GSG1L: variants seen among roughly 807,000 people sequenced by gnomAD.
The protein encoded by GSG1L is germ cell-specific gene 1-like protein.
In GSG1L, 24 loss-of-function variants were observed where a neutral mutation model predicts 42.1. The observed-to-expected ratio is 0.57, with a 90% CI of 0.41 to 0.80. The LOEUF is 0.80. Ranked by LOEUF, GSG1L falls within the 30% of genes least tolerant of loss-of-function variation. The probability of loss-of-function intolerance (pLI) is 0.00; values close to 1 mark genes in which losing one functional copy is unlikely to be tolerated. For synonymous variants in GSG1L, 215 were observed against 203.5 expected, an observed-to-expected ratio of 1.06 and a Z score of -0.48; for missense variants, 445 against 472.2, an observed-to-expected ratio of 0.94 and a Z score of 0.53.
chr16:27,881,421 T>C (rs1176502247), intron 3 of GSG1L, among the ~76,000 whole-genome samples: 1 of 152,042 alleles, frequency 6.6e-6, no homozygotes, highest in Non-Finnish European at 1.5e-5. Context: ...TTTGTATTTT[T>C]AGTAGAAACT....
intron 6 of GSG1L, among the ~76,000 whole-genome samples, chr16:27,794,990 C>T (rs1331830984): frequency 6.6e-6 from 1 of 152,008 alleles, no homozygotes; most frequent in Non-Finnish European, 1.5e-5. Context: ...TTCCCTGTGC[C>T]CTTCAGCAGC....
chr16:27,864,756 A>G (rs1457667967), intron 3 of GSG1L, among the ~76,000 whole-genome samples: 3 of 152,194 alleles, frequency 2.0e-5, no homozygotes, highest in Non-Finnish European at 4.4e-5. Context: ...AACTCTCAGG[A>G]AAGCTCTGGA....
chr16:27,831,600 T>C (rs1445065081), intron 4 of GSG1L, among the ~76,000 whole-genome samples: 4 of 152,050 alleles, frequency 2.6e-5, no homozygotes, highest in South Asian at 2.1e-4. Context: ...TGGAGTCCAG[T>C]AACTGAGTGT....
chr16:27,933,153 G>C (rs2084675386), intron 2 of GSG1L, among the ~76,000 whole-genome samples: 1 of 152,086 alleles, frequency 6.6e-6, no homozygotes, highest in African/African-American at 2.4e-5. Flanking sequence ...TGCCAGTATG[G>C]AAGGGAGGGG....
chr16:27,921,656 C>T (rs1224375164), intron 2 of GSG1L, among the ~76,000 whole-genome samples: 1 of 152,176 alleles, frequency 6.6e-6, no homozygotes, highest in African/African-American at 2.4e-5. Flanking sequence ...TCAATTGTGC[C>T]CCAGTTCTTA....
At chr16:27,893,029 C>T (rs2084147209) in intron 2 of GSG1L, among the ~76,000 whole-genome samples, 1 of 152,100 alleles carries the variant, frequency 6.6e-6, no homozygotes, top group South Asian at 2.1e-4. Flanking sequence ...CCGGCAGAGC[C>T]TCGCCTTAGT....
At chr16:27,853,792 A>G (rs2083542703) in intron 3 of GSG1L, among the ~76,000 whole-genome samples, 1 of 152,110 alleles carries the variant, frequency 6.6e-6, no homozygotes, top group Non-Finnish European at 1.5e-5. Context: ...TGTGGCAGTG[A>G]CTAGGCTCTG....
intron 2 of GSG1L, among the ~76,000 whole-genome samples, chr16:27,931,310 T>A (rs2084655581): frequency 6.6e-6 from 1 of 152,148 alleles, no homozygotes; most frequent in Non-Finnish European, 1.5e-5. Flanking sequence ...CCTGTGGACA[T>A]CCCGCTCTGA....
chr16:27,791,246 C>CCACGCAGGCTGACTGAGTTCACGG lies in GSG1L; in HGVS notation c.*100_*123dup, dbSNP rs2082747900. 1 of 552,702 alleles carries CCACGCAGGCTGACTGAGTTCACGG rather than the reference C, an allele frequency of 1.8e-6. No individual in the cohort carries two copies. The highest frequency in any genetic ancestry group is 1.9e-5 in the African/African-American group (1 of 51,500). 34.2% of individuals were successfully genotyped at this position (552,702 alleles called of 1,614,324 possible). A position where few individuals can be genotyped will look rare whatever the true frequency, so the allele number is the denominator to read the frequency against. ...ATGGGCAGGACAGGCCTGGCATCTC[C>CCACGCAGGCTGACTGAGTTCACGG]CACGCAGGCTGACTGAGTTCACGGC... is the stretch of plus-strand genomic sequence containing the variant. On this transcript the variant is annotated 3_prime_UTR_variant, in exon 7 of 7. Coordinates refer to ENST00000447459, the MANE Select transcript of GSG1L (RefSeq NM_001109763.2).
chr16:27,794,009 T>TTTTGTTTG (rs71140911), intron 6 of GSG1L, among the ~76,000 whole-genome samples: 4 of 151,828 alleles, frequency 2.6e-5, no homozygotes, highest in Non-Finnish European at 5.9e-5. Flanking sequence ...TAAACTGTTT[T>TTTTGTTTG]TTTGTTTGTT....
At chr16:27,918,870 C>T (rs2084490750) in intron 2 of GSG1L, among the ~76,000 whole-genome samples, 1 of 152,016 alleles carries the variant, frequency 6.6e-6, no homozygotes, top group Admixed American at 6.5e-5. Context: ...CTATGGGAGA[C>T]ACCTCTGGGA....
At chr16:27,810,323 A>G (rs1462640642) in intron 5 of GSG1L, among the ~76,000 whole-genome samples, 1 of 151,962 alleles carries the variant, frequency 6.6e-6, no homozygotes, top group Non-Finnish European at 1.5e-5. Flanking sequence ...TACAAATACT[A>G]GCTGGGTGTG....
At chr16:27,949,022 A>G (rs1183647290) in intron 2 of GSG1L, among the ~76,000 whole-genome samples, 7 of 151,024 alleles carry the variant, frequency 4.6e-5, no homozygotes, top group African/African-American at 1.5e-4. Context: ...GGCTCAAGTG[A>G]TCCTCCCACC....
intron 1 of GSG1L, among the ~76,000 whole-genome samples, chr16:28,001,530 G>C (rs2085577867): frequency 6.6e-6 from 1 of 152,308 alleles, no homozygotes. Context: ...ACAAATCAGA[G>C]AGAGGCAGAC....
intron 1 of GSG1L, among the ~76,000 whole-genome samples, chr16:28,045,501 C>T (rs2086150648): frequency 6.6e-6 from 1 of 151,462 alleles, no homozygotes; most frequent in African/African-American, 2.4e-5. Flanking sequence ...ATGGTGAAAC[C>T]CTGTCTCTAC....
At chr16:27,807,877 A>T (rs1442049933) in intron 5 of GSG1L, among the ~76,000 whole-genome samples, 1 of 152,238 alleles carries the variant, frequency 6.6e-6, no homozygotes, top group Non-Finnish European at 1.5e-5. Context: ...TGCGAATGGT[A>T]TATATCAAAA....
chr16:27,917,480 A>G (rs1310489868), intron 2 of GSG1L, among the ~76,000 whole-genome samples: 1 of 152,150 alleles, frequency 6.6e-6, no homozygotes, highest in African/African-American at 2.4e-5. Context: ...CCAGGTAGAG[A>G]GGAACAGAAT....
At chr16:28,017,253 G>GGCAT (rs1217300310) in intron 1 of GSG1L, among the ~76,000 whole-genome samples, 3 of 152,206 alleles carry the variant, frequency 2.0e-5, no homozygotes, top group African/African-American at 7.2e-5. Context: ...CACAGGGAAA[G>GGCAT]GCATCTTCAA....
At chr16:28,038,326 G>A (rs1421267364) in intron 1 of GSG1L, among the ~76,000 whole-genome samples, 1 of 152,136 alleles carries the variant, frequency 6.6e-6, no homozygotes, top group Admixed American at 6.5e-5. Flanking sequence ...AGTATTTTAA[G>A]TTCATTTTAC....
Sources: allele counts gnomAD v4.1 joint callset (sites outside exome capture counted in the v4.1 genomes callset), GRCh38; gene constraint gnomAD v4.1.1; transcripts MANE v1.5; gene names NCBI Gene and HGNC (gene_info 2026-07-23, HGNC 2026-07-21).